Variants in RGS5 observed in about 807,000 individuals in gnomAD.
The protein encoded by RGS5 is regulator of G protein signaling 5.
In RGS5, 20 loss-of-function variants were observed where a neutral mutation model predicts 18.9. That is an observed-to-expected ratio of 1.06 (90% CI 0.74 to 1.54). The LOEUF (loss-of-function observed/expected upper bound fraction) is 1.54. Ranked by LOEUF, RGS5 falls within the 40% of genes most tolerant of loss-of-function variation. The probability of loss-of-function intolerance (pLI) is 0.00; values close to 1 mark genes in which losing one functional copy is unlikely to be tolerated. For missense variants in RGS5, 201 were observed against 211.8 expected (o/e 0.95, Z 0.32); for synonymous variants, 57 against 76.2 (o/e 0.75, Z 1.31).
intron 1 of RGS5, among the ~76,000 whole-genome samples, chr1:163,317,450 A>C (rs1343591861): frequency 2.6e-5 from 4 of 152,154 alleles, no homozygotes; most frequent in Non-Finnish European, 5.9e-5. Context: ...TCTGAGATCT[A>C]TTTCTATCCA....
intron 4 of RGS5, among the ~76,000 whole-genome samples, chr1:163,150,875 TA>T (rs1349392255): frequency 1.3e-5 from 2 of 152,210 alleles, no homozygotes; most frequent in African/African-American, 4.8e-5. Flanking sequence ...TCCAGGAGTC[TA>T]GAGCATCTGT....
chr1:163,180,941 G>A (rs540680834), intron 1 of RGS5, among the ~76,000 whole-genome samples: 1 of 151,888 alleles, frequency 6.6e-6, no homozygotes, highest in African/African-American at 2.4e-5. Flanking sequence ...TGATCCTCCC[G>A]CCTCCGCCTC....
rs532698783 is a variant in RGS5 at position 163,262,151 on chromosome 1, C to CTTT, written c.-281+44079_-281+44081dup. ...GAGCTGATCACACTGAGTTTTGAAA[C>CTTT]TTTTTTTTTTTTTTTTTTATTATAC... On this transcript the variant is annotated intron_variant, in intron 2 of 5. Transcript: ENST00000618415. 3.5e-3 allele frequency among the ~76,000 whole-genome samples: 428 copies of CTTT among 121,050 alleles called. 11 individuals carry two copies. Among genetic ancestry groups the CTTT allele is most frequent in the Middle Eastern group, 0.019 (4 of 212 alleles). The allele number at this position is 121,050 out of a possible 152,430, so 79.4% of individuals were successfully genotyped here.
At chr1:163,194,183 T>G (rs752433073) in intron 1 of RGS5, among the ~76,000 whole-genome samples, 1 of 152,182 alleles carries the variant, frequency 6.6e-6, no homozygotes, top group Non-Finnish European at 1.5e-5. Flanking sequence ...TATTAATATA[T>G]ACTTTTCACA....
chr1:163,204,644 T>C (rs796975566), upstream of RGS5, among the ~76,000 whole-genome samples: 7 of 152,318 alleles, frequency 4.6e-5, no homozygotes, highest in African/African-American at 1.7e-4. Flanking sequence ...CATAGACATC[T>C]GTAAATACTG....
At chr1:163,252,807 T>C (rs1030741662) in intron 2 of RGS5, among the ~76,000 whole-genome samples, 5 of 152,188 alleles carry the variant, frequency 3.3e-5, no homozygotes, top group African/African-American at 1.2e-4. Flanking sequence ...TGCCATTATA[T>C]TGCTAACAGA....
chr1:163,267,597 C>A (rs969042101), intron 2 of RGS5, among the ~76,000 whole-genome samples: 1 of 152,122 alleles, frequency 6.6e-6, no homozygotes, highest in African/African-American at 2.4e-5. Flanking sequence ...TACAGTTGAG[C>A]AGCTCACAAT....
At chr1:163,217,632 C>T in exon 1 of RGS5, 1 of 1,533,890 alleles carries the variant, frequency 6.5e-7, no homozygotes, top group South Asian at 1.2e-5. Context: ...TTGTCAGACA[C>T]TTCTTTCCTG....
chr1:163,180,684 C>CTTTTTTTT lies in RGS5; in HGVS notation c.45-12317_45-12316insAAAAAAAA, dbSNP rs1429373041. 1.7e-4 allele frequency among the ~76,000 whole-genome samples: 14 copies of CTTTTTTTT among 81,902 alleles called. 1 individual carries two copies. In the South Asian group the frequency reaches 6.0e-3, roughly 35 times the overall value. The allele number at this position is 81,902 out of a possible 152,430, so 53.7% of individuals were successfully genotyped here. On this transcript the variant is annotated intron_variant, in intron 1 of 4. Transcript: ENST00000313961. ...GCCCCTTTGTAATAAAGCCCTTACC[C>CTTTTTTTT]TGTTTTTTTTTTTTTTTTTTTTTTT...
intron 2 of RGS5, among the ~76,000 whole-genome samples, chr1:163,262,053 C>A (rs963180890): frequency 6.6e-6 from 1 of 150,614 alleles, no homozygotes; most frequent in South Asian, 2.1e-4. Context: ...AATCTAGAGG[C>A]GAGGAGGCAG....
intron 1 of RGS5, among the ~76,000 whole-genome samples, chr1:163,199,252 A>G (rs113027403): frequency 6.6e-6 from 1 of 152,158 alleles, no homozygotes; most frequent in Non-Finnish European, 1.5e-5. Flanking sequence ...CATTGCCCAA[A>G]TGTTTGAATT....
At chr1:163,148,001 C>T (rs187042262) in intron 4 of RGS5, among the ~76,000 whole-genome samples, 3 of 140,694 alleles carry the variant, frequency 2.1e-5, no homozygotes, top group East Asian at 4.4e-4. Flanking sequence ...CCATTTGGTT[C>T]ACTGCAACCT....
At chr1:163,309,142 G>A (rs1351537723) in intron 1 of RGS5, among the ~76,000 whole-genome samples, 1 of 152,096 alleles carries the variant, frequency 6.6e-6, no homozygotes, top group Non-Finnish European at 1.5e-5. Context: ...TTGAGCTGGG[G>A]AGATAGAGGT....
intron 2 of RGS5, among the ~76,000 whole-genome samples, chr1:163,235,253 T>C (rs561330727): frequency 1.3e-5 from 2 of 152,342 alleles, no homozygotes; most frequent in South Asian, 4.1e-4. Flanking sequence ...TGAGGCACTT[T>C]GGATGTAGTT....
chr1:163,264,488 C>T (rs1648527972), intron 2 of RGS5, among the ~76,000 whole-genome samples: 2 of 152,122 alleles, frequency 1.3e-5, no homozygotes, highest in Admixed American at 1.3e-4. Flanking sequence ...ATCCTACACC[C>T]CACACATTTC....
intron 1 of RGS5, among the ~76,000 whole-genome samples, chr1:163,314,291 A>G (rs993681230): frequency 2.6e-5 from 4 of 152,186 alleles, no homozygotes; most frequent in African/African-American, 9.7e-5. Flanking sequence ...AGAGTAAAGA[A>G]AAACTGGCAG....
chr1:163,223,101 T>C (rs916292102), intron 2 of RGS5, among the ~76,000 whole-genome samples: 8 of 152,146 alleles, frequency 5.3e-5, no homozygotes, highest in African/African-American at 1.9e-4. Context: ...CACCTCGGTC[T>C]CTCAAAGTGC....
chr1:163,228,791 G>T (rs1647398355), intron 2 of RGS5, among the ~76,000 whole-genome samples: 1 of 152,122 alleles, frequency 6.6e-6, no homozygotes, highest in Non-Finnish European at 1.5e-5. Context: ...TCTGTTTCAA[G>T]TTCAAAGTTC....
At chr1:163,156,731 T>C (rs1347722612) in intron 3 of RGS5, among the ~76,000 whole-genome samples, 2 of 152,146 alleles carry the variant, frequency 1.3e-5, no homozygotes, top group South Asian at 2.1e-4. Flanking sequence ...AAATTAATTA[T>C]GGATTTTGCT....
Sources: gnomAD v4.1 joint callset for allele counts (sites outside exome capture counted in the v4.1 genomes callset) on GRCh38, gnomAD v4.1.1 for gene constraint, MANE v1.5 for transcripts, NCBI Gene and HGNC (gene_info 2026-07-23, HGNC 2026-07-21) for gene names.